DHX35: variants seen among roughly 807,000 people sequenced by gnomAD.
DHX35 encodes the protein probable ATP-dependent RNA helicase DHX35.
A neutral mutation model predicts 99.6 loss-of-function variants in DHX35; 84 were observed. The observed-to-expected ratio is 0.84, with a 90% CI of 0.71 to 1.01. The LOEUF is 1.01. Ranked by LOEUF, DHX35 falls within the 50% of genes least tolerant of loss-of-function variation. DHX35 has a pLI of 0.00. For missense variants in DHX35, 852 were observed against 888.5 expected (o/e 0.96, Z 0.52); for synonymous variants, 331 against 316.2 (o/e 1.05, Z -0.50).
At chr20:39,020,656 CTTTTTTTTTT>C (rs57246257) in intron 15 of DHX35, among the ~76,000 whole-genome samples, 1 of 105,218 alleles carries the variant, frequency 9.5e-6, no homozygotes, top group African/African-American at 3.8e-5. Flanking sequence ...AAACAGGATT[CTTTTTTTTTT>C]TTTTTTTTTT....
chr20:38,969,204 C>T lies in DHX35; in HGVS notation c.164C>T (p.Pro55Leu), dbSNP rs199838869. ...LSIEQQRQKL[P>L]VFKLRNHILY... ...ATAGAGCAGCAGAGGCAGAAGCTGC[C>T]GGTATTCAAGGTACGTCAAATAATC... Residue 55 changes from proline to leucine, a missense_variant, in exon 2 of 22, where the codon CCG (proline) becomes CTG (leucine). Pro to Leu is a moderately conservative substitution (Grantham distance 98). Coordinates refer to ENST00000252011, the MANE Select transcript of DHX35 (RefSeq NM_021931.4). The T allele has an allele frequency of 6.1e-5, 98 of 1,607,312 alleles. No homozygotes were observed. The highest frequency in any genetic ancestry group is 3.4e-4 in the Admixed American group (20 of 58,478).
intron 14 of DHX35, 89 bp from the exon 15 acceptor site, chr20:39,018,715 C>T (rs2086825604): frequency 2.4e-6 from 3 of 1,257,890 alleles, no homozygotes; most frequent in Middle Eastern, 1.9e-4. Flanking sequence ...TTCTTTTTAG[C>T]ATACATTATC....
intron 3 of DHX35, among the ~76,000 whole-genome samples, chr20:38,981,943 C>CAAAAAAAAAA (rs1161300647): frequency 1.1e-5 from 1 of 87,282 alleles, no homozygotes. Context: ...GACTCTGTCT[C>CAAAAAAAAAA]AAAAAAAAAA....
intron 1 of DHX35, among the ~76,000 whole-genome samples, chr20:38,964,069 A>G (rs2085874527): frequency 6.6e-6 from 1 of 152,232 alleles, no homozygotes; most frequent in Non-Finnish European, 1.5e-5. Context: ...GGATCTTGGC[A>G]CTAGATAGGT....
At chr20:39,036,952 A>C (rs887416701) in intron 21 of DHX35, among the ~76,000 whole-genome samples, 8 of 152,040 alleles carry the variant, frequency 5.3e-5, no homozygotes, top group African/African-American at 1.9e-4. Context: ...ACAGTGCAGC[A>C]CCTCACAACC....
intron 8 of DHX35, 149 bp downstream of exon 8, chr20:38,995,029 C>T: frequency 1.6e-6 from 1 of 637,776 alleles, no homozygotes; most frequent in South Asian, 2.1e-5. Flanking sequence ...TTCATATAAT[C>T]AGAGGTTACT....
chr20:38,962,594 C>G, intron 1 of DHX35, 187 bp downstream of exon 1: 2 of 668,160 alleles, frequency 3.0e-6, no homozygotes, highest in South Asian at 3.9e-5. Context: ...TGGGGGTGCT[C>G]CCCTAGCGTG....
chr20:38,973,918 G>C (rs1568715964), intron 3 of DHX35, among the ~76,000 whole-genome samples: 1 of 152,190 alleles, frequency 6.6e-6, no homozygotes, highest in Non-Finnish European at 1.5e-5. Context: ...TCCACTCTAT[G>C]AGTATTCTGT....
chr20:39,030,768 C>T lies in DHX35; in HGVS notation c.1948C>T (p.Pro650Ser). ...PASVLYAEKP[P>S]RWVIYNEVIQ... is the part of the protein sequence containing the mutation. ...GTCAGTCCTCTATGCAGAGAAGCCG[C>T]CTCGCTGGTAAGCTCATCCTGCTGC... The change falls in exon 20 of 22, where the codon CCT (proline) becomes TCT (serine). Residue 650 changes from proline to serine, a missense_variant. Physicochemically the swap from Pro to Ser is moderately conservative, Grantham distance 74. Transcript: ENST00000252011. 2 of 1,614,152 alleles carry T rather than the reference C, an allele frequency of 1.2e-6. No individual in the cohort carries two copies. The highest frequency in any genetic ancestry group is 1.7e-6 in the Non-Finnish European group (2 of 1,180,030).
At chr20:39,037,566 G>T (rs1371613538) in intron 21 of DHX35, among the ~76,000 whole-genome samples, 1 of 152,190 alleles carries the variant, frequency 6.6e-6, no homozygotes, top group Non-Finnish European at 1.5e-5. Flanking sequence ...GCGGCTTGAT[G>T]TTGTGGGGCC....
At chr20:38,985,858 A>T (rs2086241622) in intron 4 of DHX35, among the ~76,000 whole-genome samples, 1 of 152,358 alleles carries the variant, frequency 6.6e-6, no homozygotes, top group East Asian at 1.9e-4. Context: ...GAAATGCTAC[A>T]TCTCAGAAAG....
chr20:38,962,565 C>T (rs568737285), intron 1 of DHX35, 158 bp downstream of exon 1: 13 of 854,178 alleles, frequency 1.5e-5, no homozygotes, highest in African/African-American at 3.5e-5. Context: ...CTCAGGCTCC[C>T]CAGTGGTCCC....
chr20:39,014,008 T>G (rs958421101), intron 13 of DHX35, among the ~76,000 whole-genome samples: 2 of 152,214 alleles, frequency 1.3e-5, no homozygotes, highest in Admixed American at 6.5e-5. Context: ...CTATATGACC[T>G]TGTTCAGCTG....
intron 13 of DHX35, among the ~76,000 whole-genome samples, chr20:39,011,183 AAG>A (rs2086696811): frequency 6.6e-6 from 1 of 151,884 alleles, no homozygotes; most frequent in South Asian, 2.1e-4. Context: ...AGTGATTTTC[AAG>A]AGTCCTTTGA....
intron 5 of DHX35, among the ~76,000 whole-genome samples, chr20:38,989,464 G>A (rs1407694806): frequency 6.6e-6 from 1 of 151,868 alleles, no homozygotes; most frequent in African/African-American, 2.4e-5. Context: ...AAAGGAGCTT[G>A]GAAGTCAGGT....
At chr20:38,982,899 T>C (rs575943824) in intron 3 of DHX35, among the ~76,000 whole-genome samples, 126 of 152,152 alleles carry the variant, frequency 8.3e-4, no homozygotes, top group Non-Finnish European at 1.4e-3. Context: ...AATAAGTAGG[T>C]AACTCAGATA....
intron 17 of DHX35, among the ~76,000 whole-genome samples, chr20:39,024,615 G>A (rs995336147): frequency 2.6e-5 from 4 of 152,140 alleles, no homozygotes; most frequent in Admixed American, 2.6e-4. Context: ...GGTCTACATT[G>A]TATTATTCTA....
rs1438837325 is a variant in DHX35 at position 39,023,693 on chromosome 20, C to G, written c.1597C>G (p.Arg533Gly). Residue 533 changes from arginine (R) to glycine (G), a missense_variant, in exon 17 of 22, where the codon CGA becomes GGA. Arg to Gly is a moderately radical substitution (Grantham distance 125). Coordinates refer to ENST00000252011, the MANE Select transcript of DHX35 (RefSeq NM_021931.4). ...AATGTTGCTTCATTCTTTCCAGATT[C>G]GAGTGCACCGTAAATTTGCTGTGGA... is the stretch of plus-strand genomic sequence containing the variant. ...VPPNQKSHAI[R>G]VHRKFAVEEG... 1 of 1,613,816 alleles carries G rather than the reference C, an allele frequency of 6.2e-7. No homozygotes were observed. Among genetic ancestry groups the G allele is most frequent in the Non-Finnish European group, 8.5e-7 (1 of 1,179,764 alleles).
intron 13 of DHX35, among the ~76,000 whole-genome samples, chr20:39,012,754 C>T (rs2086724297): frequency 1.3e-5 from 2 of 152,190 alleles, no homozygotes; most frequent in South Asian, 4.1e-4. Flanking sequence ...TGGTCTTGAA[C>T]GCCTGACCTC....
Sources: allele counts gnomAD v4.1 joint callset (sites outside exome capture counted in the v4.1 genomes callset), GRCh38; gene constraint gnomAD v4.1.1; transcripts MANE v1.5; gene names NCBI Gene and HGNC (gene_info 2026-07-23, HGNC 2026-07-21).